The following RALGAPA1 variants were observed in gnomAD, a reference collection of about 807,000 sequenced individuals.
RALGAPA1 encodes the protein Ral GTPase activating protein catalytic subunit alpha 1.
Under a neutral mutation model 269.6 loss-of-function variants are expected in RALGAPA1, and 52 were observed. That is an observed-to-expected ratio of 0.19 (90% confidence interval 0.15 to 0.24). RALGAPA1 has a LOEUF of 0.24. Ranked by LOEUF, RALGAPA1 falls within the 10% of genes least tolerant of loss-of-function variation. RALGAPA1 has a pLI of 1.00. For synonymous variants in RALGAPA1, 817 were observed against 1,008.3 expected (o/e 0.81, Z 3.60); for missense variants, 1,917 against 3,013.9 (o/e 0.64, Z 8.52).
intron 17 of RALGAPA1, 25 bp downstream of exon 17, chr14:35,700,137 C>A: frequency 6.6e-7 from 1 of 1,506,354 alleles, no homozygotes. Context: ...AAAGGTGGTG[C>A]AGAAATTAGC....
rs544407710 is a variant in RALGAPA1, at chr14:35,634,827, T to C, written c.5812-70A>G. 7.3e-6 allele frequency: 10 copies of C among 1,369,122 alleles called. No individual in the cohort carries two copies. The African/African-American group carries it at 1.3e-4, about 18-fold the overall frequency. 84.8% of individuals were successfully genotyped at this position (1,369,122 alleles called of 1,614,324 possible). On this transcript the variant is annotated intron_variant, in intron 32 of 41. Transcript: ENST00000680220. ...TAAATAAATAAAAGTTAAAGGAGGA[T>C]AAAAATCAACTGGTAACACAAGAGC...
At chr14:35,766,853 G>T in intron 4 of RALGAPA1, 1 of 455,526 alleles carries the variant, frequency 2.2e-6, no homozygotes. Context: ...AACAGGAAGT[G>T]CCCAGGATGA....
chr14:35,715,792 G>A (rs886999388), intron 16 of RALGAPA1: 20 of 985,220 alleles, frequency 2.0e-5, no homozygotes, highest in Middle Eastern at 5.2e-4. Context: ...GCTTGCTCAA[G>A]TCTCAGTCTG....
rs1034096296 is a variant in RALGAPA1 at position 35,808,859 on chromosome 14, C to T, written c.-24G>A. 4 of 1,600,488 alleles carry T rather than the reference C, an allele frequency of 2.5e-6. No homozygotes were observed. The Admixed American group carries it at 5.1e-5, about 21-fold the overall frequency. On this transcript the variant is annotated 5_prime_UTR_variant, in exon 1 of 42. Transcript: ENST00000680220. ...ATCCTGTCGCTGCCACTGCCACTGC[C>T]ACTGCCACAGCCGGCTCCCAGCCGG...
At chr14:35,555,306 G>A (rs1470080788) in intron 39 of RALGAPA1, among the ~76,000 whole-genome samples, 1 of 151,850 alleles carries the variant, frequency 6.6e-6, no homozygotes, top group African/African-American at 2.4e-5. Context: ...TGTGATAATT[G>A]TTTAAATTTT....
intron 12 of RALGAPA1, among the ~76,000 whole-genome samples, chr14:35,735,888 T>TG (rs2070945346): frequency 6.6e-6 from 1 of 152,178 alleles, no homozygotes; most frequent in South Asian, 2.1e-4. Flanking sequence ...CCCTAGTCTA[T>TG]GCACCACACT....
At chr14:35,743,669 T>C (rs1405295958) in intron 10 of RALGAPA1, among the ~76,000 whole-genome samples, 1 of 152,158 alleles carries the variant, frequency 6.6e-6, no homozygotes. Flanking sequence ...TTTTGAGAAC[T>C]ATTTCTTTTA....
At chr14:35,616,252 G>A (rs182181819) in intron 35 of RALGAPA1, among the ~76,000 whole-genome samples, 71 of 151,886 alleles carry the variant, frequency 4.7e-4, no homozygotes, top group African/African-American at 1.6e-3. Flanking sequence ...TAGAGAGGCA[G>A]GTAAAAGAAA....
At chr14:35,712,563 C>G (rs182240160) in intron 16 of RALGAPA1, among the ~76,000 whole-genome samples, 2,383 of 152,222 alleles carry the variant, frequency 0.016, 48 homozygotes, top group African/African-American at 0.053. Context: ...GGCTGGAGGG[C>G]AGTGGTGCAA....
rs773722682 is a variant in RALGAPA1, at chr14:35,791,904, C to CAAAAAAA, written c.107-16166_107-16160dup. Among the ~76,000 whole-genome samples the CAAAAAAA allele has an allele frequency of 5.9e-4, 7 of 11,774 alleles. 1 individual carries two copies. Among genetic ancestry groups the CAAAAAAA allele is most frequent in the African/African-American group, 1.6e-3 (7 of 4,330 alleles). 7.7% of individuals were successfully genotyped at this position (11,774 alleles called of 152,430 possible). Reference sequence around the variant, plus strand: ...TGGCCGACAGAGCGAGACTCTGTCTCAAAAAAAAAAAAAAAAAAAAAAAAA... The same window carrying CAAAAAAA: ...TGGCCGACAGAGCGAGACTCTGTCTCAAAAAAAAAAAAAAAAAAAAAAAAAAAAAAAA... On this transcript the variant is annotated intron_variant, in intron 1 of 41. Coordinates refer to ENST00000680220, the MANE Select transcript of RALGAPA1 (RefSeq NM_001346249.2).
intron 35 of RALGAPA1, among the ~76,000 whole-genome samples, chr14:35,607,961 C>T (rs1277462418): frequency 6.6e-6 from 1 of 152,178 alleles, no homozygotes; most frequent in Non-Finnish European, 1.5e-5. Context: ...GACATGAAAG[C>T]ATTCCCAAAG....
At chr14:35,574,291 C>T (rs1250215632) in intron 37 of RALGAPA1, among the ~76,000 whole-genome samples, 2 of 152,116 alleles carry the variant, frequency 1.3e-5, no homozygotes, top group Non-Finnish European at 2.9e-5. Flanking sequence ...ATTTCTAGTG[C>T]CCACTTATCT....
chr14:35,641,661 T>A (rs564075607), intron 31 of RALGAPA1, among the ~76,000 whole-genome samples: 44 of 152,334 alleles, frequency 2.9e-4, no homozygotes, highest in African/African-American at 9.9e-4. Context: ...TCAATAATCA[T>A]GTCCATACTA....
At chr14:35,720,473 AAT>A (rs1469557147) in intron 16 of RALGAPA1, among the ~76,000 whole-genome samples, 5 of 152,230 alleles carry the variant, frequency 3.3e-5, no homozygotes, top group Non-Finnish European at 5.9e-5. Context: ...CTTTAAAATT[AAT>A]AGTGTTTTTC....
chr14:35,715,233 C>G (rs1246747891), intron 16 of RALGAPA1, among the ~76,000 whole-genome samples: 1 of 152,204 alleles, frequency 6.6e-6, no homozygotes, highest in East Asian at 1.9e-4. Flanking sequence ...TTCTTACCCT[C>G]TCCTTCACAT....
chr14:35,780,970 G>A (rs898810587), intron 1 of RALGAPA1, among the ~76,000 whole-genome samples: 3 of 151,804 alleles, frequency 2.0e-5, no homozygotes, highest in South Asian at 4.1e-4. Flanking sequence ...ACATATATAC[G>A]AAAATAAAGA....
intron 7 of RALGAPA1, among the ~76,000 whole-genome samples, chr14:35,756,134 G>A (rs1379646832): frequency 6.6e-6 from 1 of 152,066 alleles, no homozygotes; most frequent in African/African-American, 2.4e-5. Context: ...CACAACTGCT[G>A]ATCACAAATG....
chr14:35,762,678 T>C lies in RALGAPA1; in HGVS notation c.369+32A>G, dbSNP rs1324501913. Reference sequence around the variant, plus strand: ...TGGGATGTATGTTCTACTCAGTATTTTTAAAGTCATGGAAAGTAAACATAG... The same window carrying C: ...TGGGATGTATGTTCTACTCAGTATTCTTAAAGTCATGGAAAGTAAACATAG... On this transcript the variant is annotated intron_variant, in intron 5 of 41. Transcript: ENST00000680220. The C allele has an allele frequency of 3.0e-6, 4 of 1,345,518 alleles. No homozygotes were observed. In the Admixed American group the frequency reaches 6.7e-5, roughly 23 times the overall value. 83.3% of individuals were successfully genotyped at this position (1,345,518 alleles called of 1,614,324 possible). A position where few individuals can be genotyped will look rare whatever the true frequency, so the allele number is the denominator to read the frequency against.
chr14:35,558,452 T>G (rs2055845311), intron 39 of RALGAPA1, among the ~76,000 whole-genome samples: 1 of 152,294 alleles, frequency 6.6e-6, no homozygotes, highest in Non-Finnish European at 1.5e-5. Flanking sequence ...AGATAAAAAA[T>G]TCCTTATTTT....
Sources: allele counts gnomAD v4.1 joint callset (sites outside exome capture counted in the v4.1 genomes callset), GRCh38; gene constraint gnomAD v4.1.1; transcripts MANE v1.5; gene names NCBI Gene and HGNC (gene_info 2026-07-23, HGNC 2026-07-21).